The following SHTN1 variants were observed in gnomAD, a reference collection of about 807,000 sequenced individuals.
The protein encoded by SHTN1 is shootin 1.
SHTN1 carries 42 observed loss-of-function variants against 83.1 expected under a neutral mutation model. That is an observed-to-expected ratio of 0.51 (90% CI 0.39 to 0.65). SHTN1 has a LOEUF of 0.65. Ranked by LOEUF, SHTN1 falls within the 30% of genes least tolerant of loss-of-function variation. The pLI is 0.00. For synonymous variants in SHTN1, 224 were observed against 247.7 expected, an observed-to-expected ratio of 0.90 and a Z score of 0.90; for missense variants, 622 against 737.8, an observed-to-expected ratio of 0.84 and a Z score of 1.82.
At chr10:116,899,210 AAT>A (rs1319512058) in intron 16 of SHTN1, among the ~76,000 whole-genome samples, 2 of 152,208 alleles carry the variant, frequency 1.3e-5, no homozygotes, top group African/African-American at 4.8e-5. Flanking sequence ...TAAAACAATA[AAT>A]ATAATAAATA....
chr10:116,987,196 A>G (rs1470380862), intron 1 of SHTN1, among the ~76,000 whole-genome samples: 1 of 152,122 alleles, frequency 6.6e-6, no homozygotes, highest in Non-Finnish European at 1.5e-5. Flanking sequence ...CTCATCTAAG[A>G]GGTAAATAAA....
In SHTN1 at chr10:117,048,845, T is replaced by C. The variant is rs116924957; in HGVS notation, c.-188-335A>G. ...GCAGACCTATTATGCAATTGGACTT[T>C]GCCCTCTTTAAAATATATTTAATGG... On this transcript the variant is annotated intron_variant, in intron 1 of 17. Coordinates refer to the SHTN1 transcript ENST00000392901. 4.2e-3 allele frequency among the ~76,000 whole-genome samples: 641 copies of C among 152,330 alleles called. 2 individuals are homozygous for C. Among genetic ancestry groups the C allele is most frequent in the South Asian group, 6.6e-3 (32 of 4,826 alleles).
At chr10:117,109,418 G>A (rs776658698) in intron 1 of SHTN1, among the ~76,000 whole-genome samples, 12 of 151,836 alleles carry the variant, frequency 7.9e-5, no homozygotes, top group Non-Finnish European at 1.2e-4. Flanking sequence ...TACTGTTTTC[G>A]TAAAAATTTC....
At chr10:117,074,652 T>C (rs766723575) in intron 1 of SHTN1, among the ~76,000 whole-genome samples, 36 of 152,338 alleles carry the variant, frequency 2.4e-4, no homozygotes, top group Non-Finnish European at 4.7e-4. Context: ...AGAATTACAG[T>C]ATTTTTATTT....
At chr10:116,945,285 T>C (rs1849536663) in intron 7 of SHTN1, among the ~76,000 whole-genome samples, 1 of 152,144 alleles carries the variant, frequency 6.6e-6, no homozygotes, top group Non-Finnish European at 1.5e-5. Flanking sequence ...TATACAGACA[T>C]TTGGTTGCAA....
At chr10:117,068,727 C>T (rs1439739523) in intron 1 of SHTN1, among the ~76,000 whole-genome samples, 1 of 152,028 alleles carries the variant, frequency 6.6e-6, no homozygotes. Flanking sequence ...GGCACAGTGG[C>T]TATAACTTCA....
At chr10:116,968,626 A>G (rs771012775) in intron 3 of SHTN1, 26 bp downstream of exon 3, 5 of 1,557,352 alleles carry the variant, frequency 3.2e-6, no homozygotes, top group South Asian at 1.1e-5. Flanking sequence ...ATGTGTTATA[A>G]TAATTCCACT....
intron 16 of SHTN1, among the ~76,000 whole-genome samples, chr10:116,891,919 TAA>T (rs1191070598): frequency 6.6e-6 from 1 of 152,328 alleles, no homozygotes; most frequent in Admixed American, 6.5e-5. Flanking sequence ...AAGAACGTAT[TAA>T]GTTTGTCAAT....
At chr10:116,979,438 G>A in intron 1 of SHTN1, 130 bp from the exon 2 acceptor site, 1 of 714,556 alleles carries the variant, frequency 1.4e-6, no homozygotes, top group Admixed American at 2.5e-5. Flanking sequence ...CTGCAGAAAA[G>A]GGGCTTCTGC....
intron 12 of SHTN1, among the ~76,000 whole-genome samples, chr10:116,920,548 T>C (rs1830489646): frequency 6.6e-6 from 1 of 152,158 alleles, no homozygotes; most frequent in East Asian, 1.9e-4. Flanking sequence ...ATGACTGCAA[T>C]AGTCTTCCCT....
At position 117,120,397 on chromosome 10, in the gene SHTN1, G is replaced by A. The variant is rs1475654414; in HGVS notation, c.-189+5910C>T. ...TGAGTAGCTGGGACTACAGGCACCC[G>A]CCACCACGCCCAGCTAATTTTTTTG... On this transcript the variant is annotated intron_variant, in intron 1 of 17. Transcript: ENST00000392901. Among the ~76,000 whole-genome samples the A allele has an allele frequency of 5.9e-5, 9 of 152,000 alleles. 1 individual carries two copies. The highest frequency in any genetic ancestry group is 1.9e-4 in the East Asian group (1 of 5,148).
chr10:117,081,761 T>C (rs1477232083), intron 1 of SHTN1, among the ~76,000 whole-genome samples: 3,071 of 149,290 alleles, frequency 0.021, 107 homozygotes, highest in African/African-American at 0.065. Context: ...GGTTTAGTCT[T>C]GGGAGAGTGT....
intron 1 of SHTN1, among the ~76,000 whole-genome samples, chr10:117,090,308 CAAAAGGACAGATACTG>C (rs1380368342): frequency 2.0e-5 from 3 of 152,098 alleles, no homozygotes; most frequent in African/African-American, 7.2e-5. Flanking sequence ...AAGCCAGTCA[CAAAAGGACAGATACTG>C]ATATCCCACT....
At chr10:116,902,111 T>G (rs535596533) in intron 15 of SHTN1, among the ~76,000 whole-genome samples, 154 bp from the exon 16 acceptor site, 1 of 152,364 alleles carries the variant, frequency 6.6e-6, no homozygotes, top group South Asian at 2.1e-4. Context: ...GTTGGAAATC[T>G]GCTCTGCTTT....
At chr10:117,029,042 A>G (rs1468405079) in intron 2 of SHTN1, among the ~76,000 whole-genome samples, 1 of 152,202 alleles carries the variant, frequency 6.6e-6, no homozygotes, top group African/African-American at 2.4e-5. Flanking sequence ...GCAGCCACCA[A>G]GGCCAAAACT....
At chr10:117,061,588 G>A (rs912263846) in intron 1 of SHTN1, among the ~76,000 whole-genome samples, 1 of 152,064 alleles carries the variant, frequency 6.6e-6, no homozygotes, top group Non-Finnish European at 1.5e-5. Context: ...TCCTGCCTCA[G>A]TCTCCTGAGT....
chr10:116,963,230 C>T (rs1302084039), intron 3 of SHTN1, among the ~76,000 whole-genome samples: 1 of 150,012 alleles, frequency 6.7e-6, no homozygotes, highest in Non-Finnish European at 1.5e-5. Flanking sequence ...CGCCATCACG[C>T]CCGGCTAATT....
At chr10:117,018,567 CATT>C (rs1852215803) in intron 2 of SHTN1, among the ~76,000 whole-genome samples, 2 of 135,812 alleles carry the variant, frequency 1.5e-5, no homozygotes, top group Non-Finnish European at 3.1e-5. Flanking sequence ...CTGCTCTCAC[CATT>C]TTTTTTTTTT....
At chr10:117,090,203 A>C (rs1047554930) in intron 1 of SHTN1, among the ~76,000 whole-genome samples, 1 of 152,234 alleles carries the variant, frequency 6.6e-6, no homozygotes, top group Non-Finnish European at 1.5e-5. Flanking sequence ...ATTGTAATAT[A>C]CATACAATGG....
Sources: allele counts gnomAD v4.1 joint callset (sites outside exome capture counted in the v4.1 genomes callset), GRCh38; gene constraint gnomAD v4.1.1; transcripts MANE v1.5; gene names NCBI Gene and HGNC (gene_info 2026-07-23, HGNC 2026-07-21).